The following MACROD2 variants were observed in gnomAD, a reference collection of about 807,000 sequenced individuals.
The protein encoded by MACROD2 is ADP-ribose glycohydrolase MACROD2.
Under a neutral mutation model 70.4 loss-of-function variants are expected in MACROD2, and 36 were observed. That is an observed-to-expected ratio of 0.51 (90% confidence interval 0.39 to 0.68). The LOEUF (loss-of-function observed/expected upper bound fraction) is 0.68. MACROD2 is among the 30% of genes least tolerant of loss of function. MACROD2 has a pLI of 0.00. For missense variants in MACROD2, 496 were observed against 538.4 expected (o/e 0.92, Z 0.78); for synonymous variants, 172 against 178.8 (o/e 0.96, Z 0.30).
chr20:15,415,462 C>G (rs1300730076), intron 6 of MACROD2, among the ~76,000 whole-genome samples: 1 of 152,070 alleles, frequency 6.6e-6, no homozygotes, highest in Admixed American at 6.6e-5. Context: ...AAATTAAAAA[C>G]AGTGGAGGGA....
At chr20:14,229,375 A>G (rs1252225974) in intron 3 of MACROD2, among the ~76,000 whole-genome samples, 1 of 152,242 alleles carries the variant, frequency 6.6e-6, no homozygotes, top group Non-Finnish European at 1.5e-5. Context: ...TTAAAACCCA[A>G]CAATAAGAAA....
At chr20:14,909,958 A>T (rs1461919716) in intron 5 of MACROD2, among the ~76,000 whole-genome samples, 1 of 152,188 alleles carries the variant, frequency 6.6e-6, no homozygotes, top group Non-Finnish European at 1.5e-5. Context: ...GCTCCAATGT[A>T]GATTCTTGGG....
intron 7 of MACROD2, among the ~76,000 whole-genome samples, chr20:15,449,464 A>C (rs976420986): frequency 1.3e-5 from 2 of 152,176 alleles, no homozygotes; most frequent in African/African-American, 4.8e-5. Flanking sequence ...AAGTCATCAA[A>C]TGGTAAAAAT....
At chr20:14,980,176 G>C (rs1284866578) in intron 5 of MACROD2, among the ~76,000 whole-genome samples, 1 of 152,088 alleles carries the variant, frequency 6.6e-6, no homozygotes, top group African/African-American at 2.4e-5. Context: ...GAGAGATGGG[G>C]CCTTAAAAAG....
intron 5 of MACROD2, among the ~76,000 whole-genome samples, chr20:15,187,272 G>T (rs547703739): frequency 2.0e-5 from 3 of 152,290 alleles, no homozygotes; most frequent in East Asian, 3.9e-4. Flanking sequence ...TGTGAATTCT[G>T]TGATACTTGT....
At chr20:15,514,463 G>T (rs909332082) in intron 8 of MACROD2, among the ~76,000 whole-genome samples, 6 of 152,156 alleles carry the variant, frequency 3.9e-5, no homozygotes, top group Non-Finnish European at 7.3e-5. Flanking sequence ...CTACAATATG[G>T]AGAAAAGCAA....
At chr20:14,519,543 A>G (rs541688673) in intron 4 of MACROD2, among the ~76,000 whole-genome samples, 1 of 152,316 alleles carries the variant, frequency 6.6e-6, no homozygotes, top group African/African-American at 2.4e-5. Flanking sequence ...CAGAATGGCT[A>G]TTGTTAAAAA....
At chr20:15,843,693 A>T (rs1022418348) in intron 8 of MACROD2, among the ~76,000 whole-genome samples, 3 of 152,174 alleles carry the variant, frequency 2.0e-5, no homozygotes, top group Non-Finnish European at 4.4e-5. Flanking sequence ...GGGCCCATTT[A>T]AAAAATCAAT....
intron 4 of MACROD2, chr20:14,494,188 T>C (rs1389474454): frequency 6.6e-6 from 1 of 152,058 alleles, no homozygotes; most frequent in Non-Finnish European, 1.5e-5. Context: ...GAGAAAAAAG[T>C]ATACGATTAG....
intron 5 of MACROD2, among the ~76,000 whole-genome samples, chr20:15,153,059 C>T (rs1601148278): frequency 6.6e-6 from 1 of 151,996 alleles, no homozygotes; most frequent in African/African-American, 2.4e-5. Context: ...GACCTGAGGT[C>T]GTAGGTGGAT....
chr20:15,293,601 AT>A (rs2077560534), intron 6 of MACROD2, among the ~76,000 whole-genome samples: 1 of 152,248 alleles, frequency 6.6e-6, no homozygotes, highest in Non-Finnish European at 1.5e-5. Flanking sequence ...GGAAATAACT[AT>A]TTCCTAATCA....
intron 5 of MACROD2, among the ~76,000 whole-genome samples, chr20:15,101,346 CAGTTT>C (rs1218574384): frequency 1.3e-5 from 2 of 151,846 alleles, no homozygotes; most frequent in Non-Finnish European, 2.9e-5. Context: ...TGATCTTACA[CAGTTT>C]AGTTTAGTTC....
chr20:14,429,846 A>G lies in MACROD2; in HGVS notation c.272-63633A>G, dbSNP rs1971028699. ...CTCCCCAGCCTCCTTCAGGAGAACC[A>G]TTTGGTGGTGTGACCTTCATGTTTA... On this transcript the variant is annotated intron_variant, in intron 3 of 17. Transcript: ENST00000684519. Among the ~76,000 whole-genome samples, 3 of 152,104 alleles carry G rather than the reference A, an allele frequency of 2.0e-5. No homozygotes were observed. The South Asian group carries it at 6.2e-4, about 32-fold the overall frequency.
intron 5 of MACROD2, among the ~76,000 whole-genome samples, chr20:15,062,875 G>C (rs150508153): frequency 6.6e-6 from 1 of 152,280 alleles, no homozygotes; most frequent in East Asian, 1.9e-4. Flanking sequence ...CTTGCCTCCT[G>C]CACTGGTGTC....
chr20:14,701,779 C>T (rs2071199693), intron 5 of MACROD2, among the ~76,000 whole-genome samples: 1 of 152,128 alleles, frequency 6.6e-6, no homozygotes, highest in African/African-American at 2.4e-5. Context: ...TCTAACAAAA[C>T]ATGGTGATCA....
chr20:15,873,998 T>G (rs565451225), intron 9 of MACROD2, among the ~76,000 whole-genome samples: 19 of 152,154 alleles, frequency 1.2e-4, no homozygotes, highest in African/African-American at 4.1e-4. Flanking sequence ...ATGTGCCATG[T>G]TGGTTTGCTG....
At chr20:15,147,270 G>A (rs1405030489) in intron 5 of MACROD2, among the ~76,000 whole-genome samples, 1 of 152,078 alleles carries the variant, frequency 6.6e-6, no homozygotes, top group Non-Finnish European at 1.5e-5. Context: ...GTGCTAAATT[G>A]CTATTGCATA....
intron 3 of MACROD2, among the ~76,000 whole-genome samples, chr20:14,166,251 C>T (rs2224736): frequency 6.6e-6 from 1 of 152,150 alleles, no homozygotes. Flanking sequence ...AAATATTTTC[C>T]TGATAATATG....
At chr20:14,028,470 G>GA (rs561897441) in intron 2 of MACROD2, among the ~76,000 whole-genome samples, 12 of 151,948 alleles carry the variant, frequency 7.9e-5, no homozygotes, top group Non-Finnish European at 1.6e-4. Flanking sequence ...ACTGGGGTAT[G>GA]AAAAAAAACT....
Sources: gnomAD v4.1 joint callset for allele counts (sites outside exome capture counted in the v4.1 genomes callset) on GRCh38, gnomAD v4.1.1 for gene constraint, MANE v1.5 for transcripts, NCBI Gene and HGNC (gene_info 2026-07-23, HGNC 2026-07-21) for gene names.